The following RBPMS2 variants were observed in gnomAD, a reference collection of about 807,000 sequenced individuals.
The protein encoded by RBPMS2 is RNA-binding protein with multiple splicing 2.
In RBPMS2, 14 loss-of-function variants were observed where a neutral mutation model predicts 25.7. That is an observed-to-expected ratio of 0.55 (90% CI 0.36 to 0.85). RBPMS2 has a LOEUF of 0.85. Ranked by LOEUF, RBPMS2 falls within the 40% of genes least tolerant of loss-of-function variation. The pLI, the probability that RBPMS2 is intolerant of heterozygous loss-of-function variation, is 0.01. For synonymous variants in RBPMS2, 127 were observed against 115.6 expected, an observed-to-expected ratio of 1.10 and a Z score of -0.63; for missense variants, 252 against 283.4, an observed-to-expected ratio of 0.89 and a Z score of 0.80.
At chr15:64,752,925 T>C (rs1254971333) in intron 1 of RBPMS2, among the ~76,000 whole-genome samples, 2 of 152,142 alleles carry the variant, frequency 1.3e-5, no homozygotes, top group African/African-American at 4.8e-5. Context: ...GCTGTGAATT[T>C]TGAGCATTGC....
intron 6 of RBPMS2, among the ~76,000 whole-genome samples, chr15:64,748,065 G>C (rs553692289): frequency 6.6e-5 from 10 of 152,272 alleles, no homozygotes; most frequent in African/African-American, 1.9e-4. Context: ...GGAAGGGGCA[G>C]AGGCAGATGG....
In RBPMS2 at chr15:64,750,463, G is replaced by A. The variant is rs367951700; in HGVS notation, c.166-82C>T. The A allele has an allele frequency of 1.9e-5, 23 of 1,199,158 alleles. 1 individual carries two copies. The highest frequency in any genetic ancestry group is 7.0e-5 in the East Asian group (3 of 42,974). The allele number at this position is 1,199,158 out of a possible 1,614,324, so 74.3% of individuals were successfully genotyped here. A position where few individuals can be genotyped will look rare whatever the true frequency, so the allele number is the denominator to read the frequency against. ...CAGCGCTGCCACCTCATCAGCCCCCGCGTTCCCCTGAGTCATTCTCACACC... is the reference window on the plus strand; with the variant it reads ...CAGCGCTGCCACCTCATCAGCCCCCACGTTCCCCTGAGTCATTCTCACACC... On this transcript the variant is annotated intron_variant, in intron 2 of 7. Coordinates refer to ENST00000300069, the MANE Select transcript of RBPMS2 (RefSeq NM_194272.3).
chr15:64,747,189 A>G (rs2083625062), intron 6 of RBPMS2, among the ~76,000 whole-genome samples: 1 of 152,154 alleles, frequency 6.6e-6, no homozygotes, highest in Admixed American at 6.5e-5. Context: ...GGAGCCAGGG[A>G]GCATTCCCCT....
At chr15:64,757,093 C>T (rs2083739262) in intron 1 of RBPMS2, among the ~76,000 whole-genome samples, 1 of 151,794 alleles carries the variant, frequency 6.6e-6, no homozygotes, top group Non-Finnish European at 1.5e-5. Context: ...CTGCCTCAGC[C>T]TCCAGAGTAT....
rs2083681951 is a variant in RBPMS2, at chr15:64,751,602, T to C, written c.124A>G (p.Ile42Val). The C allele has an allele frequency of 1.2e-6, 2 of 1,614,002 alleles. No individual in the cohort carries two copies. The highest frequency in any genetic ancestry group is 1.7e-6 in the Non-Finnish European group (2 of 1,179,980). ...AGCAAGTAGAGTTCTCTGGGTTTAA[T>C]GTCCACAGGGAGGCCGCTGACAAAC... Reference protein sequence around the residue: ...TLFVSGLPVDIKPRELYLLFR... With the variant: ...TLFVSGLPVDVKPRELYLLFR... The change falls in exon 2 of 8, where the codon ATT (isoleucine) becomes GTT (valine). Residue 42 changes from isoleucine to valine, a missense_variant. By Grantham distance (29) the Ile-to-Val change is conservative. Transcript: ENST00000300069.
At chr15:64,746,342 A>G (rs1282554512) in intron 6 of RBPMS2, among the ~76,000 whole-genome samples, 1 of 152,250 alleles carries the variant, frequency 6.6e-6, no homozygotes, top group Non-Finnish European at 1.5e-5. Flanking sequence ...AGCCTCAGAG[A>G]GGACCCAAGG....
At position 64,750,379 on chromosome 15, in the gene RBPMS2, C is replaced by T; in HGVS notation, c.168G>A (p.Gly56=). ...ELYLLFRPFK[G]YEGSLIKLTA... Reference sequence around the variant, plus strand: ...TGAGCTTGATCAGGGACCCTTCATACCCCTGCGGAGAGAGGTGGCTGTTAC... The same window carrying T: ...TGAGCTTGATCAGGGACCCTTCATATCCCTGCGGAGAGAGGTGGCTGTTAC... The change falls in exon 3 of 8, where the codon GGG becomes GGA. Residue 56 remains glycine (G), a splice_region_variant and synonymous_variant. Coordinates refer to ENST00000300069, the MANE Select transcript of RBPMS2 (RefSeq NM_194272.3). 1.2e-6 allele frequency: 2 copies of T among 1,613,726 alleles called. No homozygotes were observed. Among genetic ancestry groups the T allele is most frequent in the South Asian group, 1.1e-5 (1 of 91,050 alleles).
intron 1 of RBPMS2, among the ~76,000 whole-genome samples, chr15:64,758,495 C>T (rs1409728354): frequency 6.6e-6 from 1 of 152,250 alleles, no homozygotes; most frequent in Non-Finnish European, 1.5e-5. Flanking sequence ...CTGCTGCAAG[C>T]ACCAATATAG....
rs748967917 is a variant in RBPMS2 at position 64,744,798 on chromosome 15, GTTTTTTTTT to G, written c.568-3565_568-3557del. 1.5e-3 allele frequency among the ~76,000 whole-genome samples: 69 copies of G among 46,260 alleles called. 2 individuals are homozygous for G. Among genetic ancestry groups the G allele is most frequent in the African/African-American group, 3.8e-3 (52 of 13,558 alleles). 30.3% of individuals were successfully genotyped at this position (46,260 alleles called of 152,430 possible). ...TATTTAAGTTTTTTTGGTTTGTTTT[GTTTTTTTTT>G]TTTTTTTTTTTTTTTTTTTTTTTTT... On this transcript the variant is annotated intron_variant, in intron 6 of 7. Coordinates refer to ENST00000300069, the MANE Select transcript of RBPMS2 (RefSeq NM_194272.3).
At chr15:64,775,212 G>A (rs1383542590) in intron 1 of RBPMS2, 21 bp downstream of exon 1, 1 of 1,214,664 alleles carries the variant, frequency 8.2e-7, no homozygotes. Flanking sequence ...CACCCGGCAA[G>A]TCCCGGGGCC....
chr15:64,771,815 C>G (rs1157686854), intron 1 of RBPMS2, among the ~76,000 whole-genome samples: 2 of 152,094 alleles, frequency 1.3e-5, no homozygotes, highest in African/African-American at 4.8e-5. Flanking sequence ...AAAAATTAGC[C>G]AGGTATGGTG....
At chr15:64,762,462 T>C (rs1329984755) in intron 1 of RBPMS2, 9 of 534,674 alleles carry the variant, frequency 1.7e-5, no homozygotes, top group Non-Finnish European at 2.7e-5. Context: ...ATAAAGACAC[T>C]GAGCACGTTT....
At chr15:64,748,298 C>T in intron 6 of RBPMS2, 121 bp downstream of exon 6, 1 of 1,103,602 alleles carries the variant, frequency 9.1e-7, no homozygotes, top group Non-Finnish European at 1.3e-6. Flanking sequence ...TTCAAACCAT[C>T]AAGGAAGACA....
At chr15:64,757,818 C>CT (rs397798676) in intron 1 of RBPMS2, among the ~76,000 whole-genome samples, 17 of 149,222 alleles carry the variant, frequency 1.1e-4, no homozygotes, top group Admixed American at 4.0e-4. Context: ...TATCCCCCCC[C>CT]ACAAAAAATC....
chr15:64,762,141 T>G (rs762772191), intron 1 of RBPMS2, among the ~76,000 whole-genome samples: 84 of 152,046 alleles, frequency 5.5e-4, no homozygotes, highest in Non-Finnish European at 1.0e-3. Flanking sequence ...CTTCAGCTCA[T>G]GAACAAAGAG....
chr15:64,760,815 A>G (rs1197367397), intron 1 of RBPMS2, among the ~76,000 whole-genome samples: 1 of 151,678 alleles, frequency 6.6e-6, no homozygotes, highest in African/African-American at 2.4e-5. Context: ...AAAAAAAAAA[A>G]GAAAGCAAAC....
At chr15:64,759,080 C>T (rs2083758419) in intron 1 of RBPMS2, among the ~76,000 whole-genome samples, 1 of 152,080 alleles carries the variant, frequency 6.6e-6, no homozygotes, top group South Asian at 2.1e-4. Flanking sequence ...TGTGAGCCAC[C>T]TCACCCATCC....
intron 1 of RBPMS2, among the ~76,000 whole-genome samples, chr15:64,773,975 G>A (rs945274016): frequency 6.6e-6 from 1 of 152,226 alleles, no homozygotes; most frequent in Non-Finnish European, 1.5e-5. Flanking sequence ...TGTCACAGTT[G>A]TATATTCTTC....
chr15:64,757,439 T>A (rs984168115), intron 1 of RBPMS2, among the ~76,000 whole-genome samples: 1 of 152,100 alleles, frequency 6.6e-6, no homozygotes, highest in Non-Finnish European at 1.5e-5. Flanking sequence ...CTTATTAAGG[T>A]TGTCTACTGA....
Sources: allele counts gnomAD v4.1 joint callset (sites outside exome capture counted in the v4.1 genomes callset), GRCh38; gene constraint gnomAD v4.1.1; transcripts MANE v1.5; gene names NCBI Gene and HGNC (gene_info 2026-07-23, HGNC 2026-07-21).